The following PPARGC1A variants were observed in gnomAD, a reference collection of about 807,000 sequenced individuals.
PPARGC1A encodes PPARG coactivator 1 alpha, also known as peroxisome proliferator-activated receptor gamma coactivator 1-alpha.
A neutral mutation model predicts 88.7 loss-of-function variants in PPARGC1A; 25 were observed. That is an observed-to-expected ratio of 0.28 (90% confidence interval 0.21 to 0.39). The LOEUF is 0.39. Among genes scored for constraint, PPARGC1A ranks in the 10% least tolerant of loss-of-function variants. PPARGC1A has a pLI of 1.00. For synonymous variants in PPARGC1A, 363 were observed against 355.6 expected (o/e 1.02, Z -0.24); for missense variants, 880 against 968.7 (o/e 0.91, Z 1.22).
chr4:23,895,627 C>T (rs1054576807), intron 1 of PPARGC1A, among the ~76,000 whole-genome samples: 5 of 151,980 alleles, frequency 3.3e-5, no homozygotes, highest in South Asian at 2.1e-4. Context: ...TTAACCAAGA[C>T]GACCGCTTCT....
chr4:24,192,224 C>T, the PPARGC1A span, among the ~76,000 whole-genome samples: 10 of 152,318 alleles, frequency 6.6e-5, no homozygotes, highest in East Asian at 3.9e-4. Flanking sequence ...GTCCTCCAGA[C>T]ATGTGACCTT....
chr4:24,389,362 T>C, the PPARGC1A span, among the ~76,000 whole-genome samples: 2 of 152,114 alleles, frequency 1.3e-5, no homozygotes, highest in African/African-American at 4.8e-5. Context: ...AGGCCTATAA[T>C]GGTTAGAAGG....
the PPARGC1A span, among the ~76,000 whole-genome samples, chr4:24,210,302 A>G: frequency 1.3e-5 from 2 of 152,252 alleles, no homozygotes; most frequent in Non-Finnish European, 2.9e-5. Context: ...TTTCTTAAAT[A>G]GAGATCATAC....
chr4:24,446,046 T>C, the PPARGC1A span, among the ~76,000 whole-genome samples: 17 of 152,062 alleles, frequency 1.1e-4, no homozygotes, highest in South Asian at 3.5e-3. Context: ...AGCCTGCACA[T>C]CAGAGCAAGA....
the PPARGC1A span, among the ~76,000 whole-genome samples, chr4:23,979,105 A>G: frequency 6.6e-6 from 1 of 152,160 alleles, no homozygotes; most frequent in African/African-American, 2.4e-5. Context: ...ATGTATAAAA[A>G]TCGTTTAACT....
chr4:24,169,901 C>G, the PPARGC1A span, among the ~76,000 whole-genome samples: 1 of 152,158 alleles, frequency 6.6e-6, no homozygotes, highest in Non-Finnish European at 1.5e-5. Context: ...TTTACATGAT[C>G]ATACAAATGA....
the PPARGC1A span, among the ~76,000 whole-genome samples, chr4:24,457,099 T>C: frequency 6.6e-6 from 1 of 151,660 alleles, no homozygotes; most frequent in Non-Finnish European, 1.5e-5. Flanking sequence ...CACTGGGAGG[T>C]ATGGGATCAT....
At chr4:24,037,560 A>G in the PPARGC1A span, among the ~76,000 whole-genome samples, 1 of 152,176 alleles carries the variant, frequency 6.6e-6, no homozygotes. Flanking sequence ...GTCTATTATA[A>G]TTTTATTTTT....
the PPARGC1A span, among the ~76,000 whole-genome samples, chr4:24,470,818 G>A: frequency 6.6e-6 from 1 of 151,702 alleles, no homozygotes; most frequent in Non-Finnish European, 1.5e-5. This position sits in a 1 kb window ranked among gnomAD's most constrained non-coding sequence, Gnocchi z 5.8. Flanking sequence ...CGGCCCTTAT[G>A]TATTATTCAC....
At chr4:23,999,035 A>C in the PPARGC1A span, among the ~76,000 whole-genome samples, 3 of 152,254 alleles carry the variant, frequency 2.0e-5, no homozygotes, top group Admixed American at 2.0e-4. Context: ...GGAATCTGTG[A>C]TAACAAGGAA....
chr4:24,395,421 G>T, the PPARGC1A span, among the ~76,000 whole-genome samples: 1 of 152,144 alleles, frequency 6.6e-6, no homozygotes, highest in Non-Finnish European at 1.5e-5. Context: ...AGTATATGAG[G>T]ACTGATCACT....
At chr4:24,159,182 A>G in the PPARGC1A span, among the ~76,000 whole-genome samples, 1 of 151,788 alleles carries the variant, frequency 6.6e-6, no homozygotes, top group Non-Finnish European at 1.5e-5. Context: ...TATACATAAG[A>G]AACTAAGGAT....
the PPARGC1A span, among the ~76,000 whole-genome samples, chr4:24,348,612 G>A: frequency 1.3e-5 from 2 of 152,048 alleles, no homozygotes; most frequent in African/African-American, 4.8e-5. Flanking sequence ...AGACTTTCCA[G>A]AGCATTTTGC....
chr4:23,874,899 GAAC>G (rs1264340669), intron 2 of PPARGC1A, among the ~76,000 whole-genome samples: 9 of 152,170 alleles, frequency 5.9e-5, no homozygotes, highest in Admixed American at 5.2e-4. Context: ...GAAGAGTGAA[GAAC>G]AACACAATTT....
At chr4:23,946,437 G>A in the PPARGC1A span, among the ~76,000 whole-genome samples, 1 of 152,064 alleles carries the variant, frequency 6.6e-6, no homozygotes, top group Non-Finnish European at 1.5e-5. Context: ...CCAAAGAGCC[G>A]TACGCAGATT....
At chr4:23,818,381 T>C (rs1722364409) in intron 7 of PPARGC1A, among the ~76,000 whole-genome samples, 1 of 152,142 alleles carries the variant, frequency 6.6e-6, no homozygotes, top group African/African-American at 2.4e-5. Context: ...CTATAGCTTT[T>C]TTATTGCCGC....
the PPARGC1A span, among the ~76,000 whole-genome samples, chr4:24,193,401 G>A: frequency 7.0e-3 from 1,059 of 152,276 alleles, 11 homozygotes; most frequent in Non-Finnish European, 0.01. Flanking sequence ...AGGAACACAT[G>A]ACTCAAATCA....
chr4:24,409,319 GT>G, the PPARGC1A span, among the ~76,000 whole-genome samples: 1 of 152,170 alleles, frequency 6.6e-6, no homozygotes, highest in Non-Finnish European at 1.5e-5. Flanking sequence ...AGTAAATGGA[GT>G]TAAAAGAACC....
chr4:24,072,837 T>C, the PPARGC1A span, among the ~76,000 whole-genome samples: 1 of 152,170 alleles, frequency 6.6e-6, no homozygotes, highest in Non-Finnish European at 1.5e-5. Flanking sequence ...ATTGCTCTAA[T>C]TTTATGTACA....
Sources: gnomAD v4.1 joint callset for allele counts (sites outside exome capture counted in the v4.1 genomes callset) on GRCh38, gnomAD v4.1.1 for gene constraint, Gnocchi (gnomAD v3.1) non-coding constraint, MANE v1.5 for transcripts, NCBI Gene and HGNC (gene_info 2026-07-23, HGNC 2026-07-21) for gene names.